Variants in BMP1 observed in about 807,000 individuals in gnomAD.
The protein encoded by BMP1 is bone morphogenetic protein 1.
In BMP1, 63 loss-of-function variants were observed where a neutral mutation model predicts 116.8. That is an observed-to-expected ratio of 0.54 (90% CI 0.44 to 0.67). BMP1 has a LOEUF of 0.67. BMP1 is among the 30% of genes least tolerant of loss of function. The probability of loss-of-function intolerance (pLI) is 0.00; values close to 1 mark genes in which losing one functional copy is unlikely to be tolerated. For synonymous variants in BMP1, 536 were observed against 533.4 expected, an observed-to-expected ratio of 1.00 and a Z score of -0.07; for missense variants, 1,183 against 1,358.9, an observed-to-expected ratio of 0.87 and a Z score of 2.04.
chr8:22,201,270 C>T, intron 15 of BMP1: 7 of 1,549,080 alleles, frequency 4.5e-6, no homozygotes, highest in Non-Finnish European at 6.1e-6. Flanking sequence ...GGGATGGGGG[C>T]TTCGGTGCCC....
intron 8 of BMP1, among the ~76,000 whole-genome samples, chr8:22,184,703 A>T (rs1240202147): frequency 6.6e-6 from 1 of 152,098 alleles, no homozygotes; most frequent in East Asian, 1.9e-4. Context: ...CACTTTTACA[A>T]CCTAGGTACC....
At chr8:22,186,698 C>T (rs1416806837) in intron 8 of BMP1, among the ~76,000 whole-genome samples, 1 of 151,848 alleles carries the variant, frequency 6.6e-6, no homozygotes, top group Non-Finnish European at 1.5e-5. Context: ...AACTCCTGAC[C>T]TCAGGTGATC....
At chr8:22,173,888 A>G (rs976717046) in intron 2 of BMP1, among the ~76,000 whole-genome samples, 173 bp downstream of exon 2, 6 of 152,252 alleles carry the variant, frequency 3.9e-5, no homozygotes, top group Non-Finnish European at 7.3e-5. Flanking sequence ...CCAGAGGAGT[A>G]GTAAATATAG....
intron 19 of BMP1, 148 bp from the exon 20 acceptor site, chr8:22,211,446 C>A: frequency 8.7e-7 from 1 of 1,150,562 alleles, no homozygotes; most frequent in South Asian, 1.5e-5. Flanking sequence ...CTCATTAAAC[C>A]AGCAAGAAGC....
intron 12 of BMP1, 110 bp downstream of exon 12, chr8:22,195,029 A>T: frequency 8.2e-7 from 1 of 1,218,756 alleles, no homozygotes; most frequent in African/African-American, 1.5e-5. Context: ...TACCAGTGAG[A>T]CCCCAGGGCT....
At chr8:22,190,579 A>G (rs1828902830) in intron 8 of BMP1, among the ~76,000 whole-genome samples, 1 of 152,214 alleles carries the variant, frequency 6.6e-6, no homozygotes, top group African/African-American at 2.4e-5. Flanking sequence ...CCGGGAAGGT[A>G]TAGAGAGGTG....
intron 2 of BMP1, among the ~76,000 whole-genome samples, chr8:22,174,922 C>T (rs560976594): frequency 1.3e-5 from 2 of 152,346 alleles, no homozygotes. Context: ...GCGTGAGCCA[C>T]TGTACCAAAG....
At chr8:22,165,878 C>CGTGGGTGTGTGTGTGTGTGTGTGTGTGT (rs1432185239) in intron 1 of BMP1, among the ~76,000 whole-genome samples, 5 of 67,712 alleles carry the variant, frequency 7.4e-5, no homozygotes, top group African/African-American at 2.2e-4. Context: ...AACTCCTGTG[C>CGTGGGTGTGTGTGTGTGTGTGTGTGTGT]GTGCGTGTGT....
At chr8:22,202,771 G>A (rs1438649495) in intron 16 of BMP1, among the ~76,000 whole-genome samples, 3 of 152,224 alleles carry the variant, frequency 2.0e-5, no homozygotes, top group South Asian at 4.1e-4. Flanking sequence ...CACTTTGGGA[G>A]GCTGAGGTGG....
intron 16 of BMP1, among the ~76,000 whole-genome samples, chr8:22,206,229 T>C (rs937931658): frequency 2.6e-5 from 4 of 151,340 alleles, no homozygotes; most frequent in Non-Finnish European, 5.9e-5. Flanking sequence ...TAGCCAGGCA[T>C]AGTGGCTCAC....
At position 22,194,700 on chromosome 8, in the gene BMP1, C is replaced by T; in HGVS notation, c.1444-24C>T. The T allele has an allele frequency of 6.3e-7, 1 of 1,593,720 alleles. No homozygotes were observed. Among genetic ancestry groups the T allele is most frequent in the South Asian group, 1.1e-5 (1 of 88,438 alleles). ...GGTCTCTGGCAGCCAGAGCCCCTTC[C>T]ACTGATGAAGCCTCGACCCCTAGAT... is the stretch of plus-strand genomic sequence containing the variant. On this transcript the variant is annotated intron_variant, in intron 11 of 19. Transcript: ENST00000306385. The surrounding 1 kb of genome is among the most constrained non-coding windows in gnomAD (Gnocchi z 4.5).
At chr8:22,211,409 C>A (rs1371879978) in intron 19 of BMP1, among the ~76,000 whole-genome samples, 185 bp from the exon 20 acceptor site, 1 of 152,166 alleles carries the variant, frequency 6.6e-6, no homozygotes, top group Non-Finnish European at 1.5e-5. Flanking sequence ...TTCTCTTCGG[C>A]CCACGCCTCC....
At chr8:22,201,142 C>G in intron 15 of BMP1, 1 of 1,613,426 alleles carries the variant, frequency 6.2e-7, no homozygotes, top group Non-Finnish European at 8.5e-7. Context: ...CTGCAGCCCC[C>G]TCGGGGACGC....
intron 1 of BMP1, 36 bp downstream of exon 1, chr8:22,165,589 C>CG (rs1428163104): frequency 7.9e-6 from 12 of 1,509,718 alleles, no homozygotes; most frequent in Non-Finnish European, 1.1e-5. Context: ...ACGGGCCAGG[C>CG]GGGGAGGCGC....
Position 22,179,858 on chromosome 8 carries a change from C to G in BMP1, c.961+29C>G. The stretch of plus-strand genomic sequence containing the variant: ...AGGGCAGAGAAGGGATGGGTGAGGG[C>G]GTGGAGGGCAGGGCCTGAGGGAGGC... On this transcript the variant is annotated intron_variant, in intron 7 of 19. Transcript: ENST00000306385. This position sits in a 1 kb window ranked among gnomAD's most constrained non-coding sequence, Gnocchi z 4.6. 1 of 1,599,966 alleles carries G rather than the reference C, an allele frequency of 6.3e-7. No homozygotes were observed. Among genetic ancestry groups the G allele is most frequent in the Admixed American group, 1.7e-5 (1 of 59,154 alleles).
intron 5 of BMP1, chr8:22,177,500 C>T (rs1828481506): frequency 1.3e-5 from 9 of 710,348 alleles, no homozygotes; most frequent in South Asian, 1.1e-4. Context: ...GTCTGCCCTC[C>T]GAGGGCTTTT....
At chr8:22,171,511 T>G (rs551705235) in intron 1 of BMP1, 3 of 152,350 alleles carry the variant, frequency 2.0e-5, no homozygotes, top group Non-Finnish European at 4.4e-5. Context: ...TGCAGCTGGT[T>G]TGTGTATGTT....
intron 18 of BMP1, among the ~76,000 whole-genome samples, chr8:22,208,651 G>T (rs1829408187): frequency 6.6e-6 from 1 of 152,240 alleles, no homozygotes; most frequent in South Asian, 2.1e-4. Flanking sequence ...CAGGTTGTGG[G>T]AATGATGTGG....
intron 8 of BMP1, among the ~76,000 whole-genome samples, chr8:22,185,828 CT>C (rs71204540): frequency 2.2e-3 from 182 of 80,956 alleles, no homozygotes; most frequent in East Asian, 0.01. Context: ...CACTGTCTTT[CT>C]TTTTTTTTTT....
Sources: allele counts gnomAD v4.1 joint callset (sites outside exome capture counted in the v4.1 genomes callset), GRCh38; gene constraint gnomAD v4.1.1; non-coding constraint Gnocchi (gnomAD v3.1); transcripts MANE v1.5; gene names NCBI Gene and HGNC (gene_info 2026-07-23, HGNC 2026-07-21).